The following AUTS2 variants were observed in gnomAD, a reference collection of about 807,000 sequenced individuals.
The protein encoded by AUTS2 is autism susceptibility gene 2 protein.
A neutral mutation model predicts 112.4 loss-of-function variants in AUTS2; 17 were observed. The observed-to-expected ratio is 0.15, with a 90% CI of 0.10 to 0.23. The LOEUF is 0.23. Ranked by LOEUF, AUTS2 falls within the 10% of genes least tolerant of loss-of-function variation. AUTS2 has a pLI of 1.00. For synonymous variants in AUTS2, 751 were observed against 702.7 expected, an observed-to-expected ratio of 1.07 and a Z score of -1.09; for missense variants, 1,510 against 1,701.6, an observed-to-expected ratio of 0.89 and a Z score of 1.98.
At chr7:69,841,615 A>T (rs572163923) in intron 1 of AUTS2, among the ~76,000 whole-genome samples, 1 of 152,360 alleles carries the variant, frequency 6.6e-6, no homozygotes, top group East Asian at 1.9e-4. Flanking sequence ...CATTCTCAAG[A>T]AAACTGGTAT....
intron 1 of AUTS2, chr7:69,824,503 A>T (rs919647896): frequency 3.9e-5 from 6 of 151,960 alleles, no homozygotes; most frequent in Non-Finnish European, 7.4e-5. Flanking sequence ...TGGCAGAAGT[A>T]TAATTTATAT....
intron 5 of AUTS2, among the ~76,000 whole-genome samples, chr7:70,672,384 C>T (rs777764936): frequency 6.6e-6 from 1 of 152,126 alleles, no homozygotes; most frequent in African/African-American, 2.4e-5. Flanking sequence ...TATTTTGTCA[C>T]GGAAGCCCAG....
chr7:69,897,716 T>C (rs12698813), intron 1 of AUTS2, among the ~76,000 whole-genome samples: 54,012 of 151,980 alleles, frequency 0.36, 10,065 homozygotes, highest in African/African-American at 0.46. Context: ...AAGGTCGTGC[T>C]GTTGCACTCC....
At chr7:70,617,349 T>C (rs1804426504) in intron 5 of AUTS2, among the ~76,000 whole-genome samples, 1 of 152,154 alleles carries the variant, frequency 6.6e-6, no homozygotes, top group African/African-American at 2.4e-5. Flanking sequence ...CCAGCGAGCT[T>C]ATTTCTCCTA....
chr7:70,392,217 AT>A (rs1162419185), intron 4 of AUTS2, among the ~76,000 whole-genome samples: 1 of 152,146 alleles, frequency 6.6e-6, no homozygotes, highest in Non-Finnish European at 1.5e-5. Context: ...GCCTATCTTT[AT>A]ATTCCCTTTG....
Position 69,966,609 on chromosome 7 carries a change from G to A in AUTS2, c.522+67111G>A, listed in dbSNP as rs942014375. 2.6e-5 allele frequency among the ~76,000 whole-genome samples: 4 copies of A among 152,212 alleles called. No individual in the cohort carries two copies. The East Asian group carries it at 5.8e-4, about 22-fold the overall frequency. On this transcript the variant is annotated intron_variant, in intron 2 of 18. Transcript: ENST00000342771. Reference sequence around the variant, plus strand: ...GGGAAATATTTTTTACTTGGCAATAGAGATGTGCCATAATATTATTTAATA... The same window carrying A: ...GGGAAATATTTTTTACTTGGCAATAAAGATGTGCCATAATATTATTTAATA...
chr7:70,411,920 CTTTTTTT>C (rs545022866), intron 4 of AUTS2, among the ~76,000 whole-genome samples: 1 of 130,908 alleles, frequency 7.6e-6, no homozygotes, highest in African/African-American at 2.8e-5. Flanking sequence ...TTCCTTTTTT[CTTTTTTT>C]TTTTTTTTTG....
chr7:70,596,136 A>G (rs1297258284), intron 5 of AUTS2: 1 of 152,004 alleles, frequency 6.6e-6, no homozygotes, highest in Non-Finnish European at 1.5e-5. Context: ...GGAGACGGTC[A>G]TGAGGAGCGA....
intron 1 of AUTS2, among the ~76,000 whole-genome samples, chr7:69,639,205 T>G (rs1794691171): frequency 6.6e-6 from 1 of 152,248 alleles, no homozygotes; most frequent in Non-Finnish European, 1.5e-5. Context: ...CTTTATTGTA[T>G]GTTAAATGAT....
At chr7:70,308,765 C>T (rs1010023490) in intron 4 of AUTS2, among the ~76,000 whole-genome samples, 8 of 152,020 alleles carry the variant, frequency 5.3e-5, no homozygotes, top group South Asian at 2.1e-4. Flanking sequence ...AGACATGTGC[C>T]GAAACATCTA....
chr7:70,177,904 G>T (rs149029682), intron 4 of AUTS2, among the ~76,000 whole-genome samples: 1 of 149,340 alleles, frequency 6.7e-6, no homozygotes, highest in South Asian at 2.1e-4. Context: ...ATCTTCTACC[G>T]TTAACATAAT....
chr7:70,241,894 T>C (rs1179221738), intron 4 of AUTS2, among the ~76,000 whole-genome samples: 1 of 152,228 alleles, frequency 6.6e-6, no homozygotes, highest in African/African-American at 2.4e-5. Flanking sequence ...CCTGAGTTGC[T>C]TGAGCAGAGG....
chr7:70,523,425 T>C (rs1211703597), intron 5 of AUTS2, among the ~76,000 whole-genome samples: 2 of 152,248 alleles, frequency 1.3e-5, no homozygotes, highest in East Asian at 3.8e-4. Flanking sequence ...TATTCTCTGT[T>C]CCTGGTCCAG....
intron 4 of AUTS2, among the ~76,000 whole-genome samples, chr7:70,269,668 G>A (rs1381539768): frequency 6.6e-6 from 1 of 152,176 alleles, no homozygotes; most frequent in Non-Finnish European, 1.5e-5. Context: ...CACTTAGAAC[G>A]CTTTAAGTCA....
At chr7:69,985,002 A>T (rs1470129286) in intron 2 of AUTS2, among the ~76,000 whole-genome samples, 1 of 152,210 alleles carries the variant, frequency 6.6e-6, no homozygotes, top group Admixed American at 6.5e-5. Context: ...AGAAAAACTG[A>T]TGATGAACTA....
chr7:69,838,343 G>A, intron 1 of AUTS2, among the ~76,000 whole-genome samples: 1 of 152,286 alleles, frequency 6.6e-6, no homozygotes, highest in South Asian at 2.1e-4. Context: ...TCTAACAATG[G>A]TTAAGCCAGA....
chr7:70,565,059 G>T (rs1405282506), intron 5 of AUTS2, among the ~76,000 whole-genome samples: 1 of 152,080 alleles, frequency 6.6e-6, no homozygotes, highest in Non-Finnish European at 1.5e-5. Context: ...GGTCGTGCCA[G>T]TGTACTCCAG....
intron 4 of AUTS2, among the ~76,000 whole-genome samples, chr7:70,218,432 T>C (rs554551592): frequency 6.6e-6 from 1 of 152,282 alleles, no homozygotes; most frequent in Non-Finnish European, 1.5e-5. Flanking sequence ...GTATCTAATA[T>C]GCTGGGGCAC....
intron 1 of AUTS2, among the ~76,000 whole-genome samples, chr7:69,685,392 A>G (rs894797548): frequency 2.0e-5 from 3 of 152,340 alleles, no homozygotes; most frequent in Admixed American, 6.5e-5. Flanking sequence ...AAAGTAGGTC[A>G]CAGTTCTCTA....
Sources: allele counts gnomAD v4.1 joint callset (sites outside exome capture counted in the v4.1 genomes callset), GRCh38; gene constraint gnomAD v4.1.1; transcripts MANE v1.5; gene names NCBI Gene and HGNC (gene_info 2026-07-23, HGNC 2026-07-21).